The following NT5C2 variants were observed in gnomAD, a reference collection of about 807,000 sequenced individuals.
NT5C2 encodes the protein cytosolic purine 5'-nucleotidase.
NT5C2 carries 58 observed loss-of-function variants against 76.1 expected under a neutral mutation model. The ratio of observed to expected loss-of-function variants is 0.76; its 90% CI spans 0.62 to 0.95. The LOEUF (loss-of-function observed/expected upper bound fraction) is 0.95. Among genes scored for constraint, NT5C2 ranks in the 40% least tolerant of loss-of-function variants. The probability of loss-of-function intolerance (pLI) is 0.00; values close to 1 mark genes in which losing one functional copy is unlikely to be tolerated. For synonymous variants in NT5C2, 229 were observed against 237.4 expected (o/e 0.96, Z 0.32); for missense variants, 478 against 690.3 (o/e 0.69, Z 3.45).
At chr10:103,099,809 CA>C (rs1422080468) in intron 9 of NT5C2, 116 bp downstream of exon 9, 5 of 618,296 alleles carry the variant, frequency 8.1e-6, no homozygotes, top group African/African-American at 7.6e-5. Flanking sequence ...TAGGCGGGGG[CA>C]AATCTGTTTT....
intron 3 of NT5C2, chr10:103,146,165 G>C: frequency 4.1e-6 from 4 of 985,348 alleles, no homozygotes; most frequent in Non-Finnish European, 4.8e-6. Flanking sequence ...AGTTTAACCT[G>C]AATCAGGCCC....
At chr10:103,156,218 G>A (rs1424613343) in intron 3 of NT5C2, among the ~76,000 whole-genome samples, 1 of 152,066 alleles carries the variant, frequency 6.6e-6, no homozygotes, top group Non-Finnish European at 1.5e-5. Context: ...CCTACGGGGG[G>A]ATACTGCTGT....
chr10:103,157,801 G>A (rs1212948251), intron 3 of NT5C2, among the ~76,000 whole-genome samples: 1 of 152,102 alleles, frequency 6.6e-6, no homozygotes, highest in Non-Finnish European at 1.5e-5. Context: ...GGGGCCAGGT[G>A]CGGTGGCTCA....
At chr10:103,160,418 CAT>C (rs1434841323) in intron 3 of NT5C2, among the ~76,000 whole-genome samples, 2 of 152,114 alleles carry the variant, frequency 1.3e-5, no homozygotes, top group Non-Finnish European at 2.9e-5. Context: ...ATTAAAATAA[CAT>C]GTGTTTCAAA....
intron 3 of NT5C2, among the ~76,000 whole-genome samples, chr10:103,143,001 A>G (rs1051111400): frequency 1.8e-4 from 27 of 151,956 alleles, no homozygotes; most frequent in Admixed American, 4.6e-4. Flanking sequence ...AAAAAAAAAA[A>G]AAGAAGAATA....
At chr10:103,091,135 A>G in intron 16 of NT5C2, 139 bp from the exon 17 acceptor site, 7 of 711,776 alleles carry the variant, frequency 9.8e-6, no homozygotes, top group Non-Finnish European at 1.7e-5. Flanking sequence ...CCCAGCTTCA[A>G]GCGATTCTCC....
chr10:103,129,481 G>T (rs2077514467), intron 4 of NT5C2, among the ~76,000 whole-genome samples: 1 of 118,006 alleles, frequency 8.5e-6, no homozygotes, highest in Non-Finnish European at 1.8e-5. Context: ...AGATGGGGGG[G>T]TCAGCCCCCC....
chr10:103,157,417 A>G (rs1239514446), intron 3 of NT5C2, among the ~76,000 whole-genome samples: 2 of 152,204 alleles, frequency 1.3e-5, no homozygotes, highest in Non-Finnish European at 2.9e-5. Flanking sequence ...AAATATGTTG[A>G]TGATGTCAGG....
Position 103,090,927 on chromosome 10 carries a change from T to C in NT5C2, c.1272+9A>G, listed in dbSNP as rs369719483. 21 of 1,613,122 alleles carry C rather than the reference T, an allele frequency of 1.3e-5. No homozygotes were observed. The highest frequency in any genetic ancestry group is 1.7e-5 in the Non-Finnish European group (20 of 1,179,340). ...TTCCCAAGTTTTCTCCCAAATCCCATTTGGATACCTTAATACGTCTCTGGA... is the reference window on the plus strand; with the variant it reads ...TTCCCAAGTTTTCTCCCAAATCCCACTTGGATACCTTAATACGTCTCTGGA... On this transcript the variant is annotated intron_variant, in intron 17 of 18. Coordinates refer to ENST00000404739, the MANE Select transcript of NT5C2 (RefSeq NM_001351169.2).
chr10:103,101,985 T>C (rs1037810198), intron 6 of NT5C2, among the ~76,000 whole-genome samples: 8 of 152,140 alleles, frequency 5.3e-5, no homozygotes, highest in Non-Finnish European at 1.2e-4. Flanking sequence ...CTACTGTTTC[T>C]ACACCATTTA....
At chr10:103,098,021 C>A (rs568743657) in intron 10 of NT5C2, 1 of 528,244 alleles carries the variant, frequency 1.9e-6, no homozygotes, top group South Asian at 1.4e-5. Context: ...ATAGGAAGCA[C>A]AAAAACTGAA....
At chr10:103,098,680 A>G in intron 10 of NT5C2, 1 of 442,298 alleles carries the variant, frequency 2.3e-6, no homozygotes, top group Non-Finnish European at 4.0e-6. Flanking sequence ...GAACAAATGC[A>G]ATACTGAGTC....
At chr10:103,147,119 A>C (rs1334420296) in intron 3 of NT5C2, among the ~76,000 whole-genome samples, 1 of 152,216 alleles carries the variant, frequency 6.6e-6, no homozygotes, top group East Asian at 1.9e-4. Flanking sequence ...AAAGTTATTT[A>C]TAAACTGGTC....
intron 4 of NT5C2, among the ~76,000 whole-genome samples, chr10:103,132,526 C>T (rs901415602): frequency 2.6e-5 from 4 of 152,024 alleles, no homozygotes; most frequent in African/African-American, 9.7e-5. Context: ...ATTTTTGTAG[C>T]TCTTCTGTAG....
At chr10:103,177,082 GATAA>G (rs1175933937) in intron 2 of NT5C2, among the ~76,000 whole-genome samples, 3 of 151,854 alleles carry the variant, frequency 2.0e-5, no homozygotes, top group Non-Finnish European at 4.4e-5. Context: ...CCCTTTAAAA[GATAA>G]ATAAATACAT....
At chr10:103,124,643 C>T (rs539033438) in intron 4 of NT5C2, among the ~76,000 whole-genome samples, 3 of 151,870 alleles carry the variant, frequency 2.0e-5, no homozygotes, top group Non-Finnish European at 4.4e-5. Context: ...CCTGCCACAC[C>T]GCCCCTCCCC....
At chr10:103,142,090 A>C (rs1261245685) in intron 3 of NT5C2, among the ~76,000 whole-genome samples, 1 of 152,026 alleles carries the variant, frequency 6.6e-6, no homozygotes, top group Non-Finnish European at 1.5e-5. Flanking sequence ...TGGAGTTGAG[A>C]AGCTTTCTTT....
At position 103,102,045 on chromosome 10, in the gene NT5C2, G is replaced by A. The variant is rs74956767; in HGVS notation, c.390-719C>T. 8.6e-3 allele frequency among the ~76,000 whole-genome samples: 1,309 copies of A among 152,192 alleles called. 25 individuals are homozygous for A. Among genetic ancestry groups the A allele is most frequent in the African/African-American group, 0.03 (1,263 of 41,516 alleles). On this transcript the variant is annotated intron_variant, in intron 6 of 18. Transcript: ENST00000404739. ...TTTTAAAGCAGAGGATAATCCCATC[G>A]GGGCTGAGTTGTAAAACAAAATTAA...
chr10:103,177,271 A>G (rs1031793061), intron 2 of NT5C2, among the ~76,000 whole-genome samples: 1 of 152,214 alleles, frequency 6.6e-6, no homozygotes, highest in Non-Finnish European at 1.5e-5. Flanking sequence ...TAGGATAAGC[A>G]TCTAAAATGA....
Sources: gnomAD v4.1 joint callset for allele counts (sites outside exome capture counted in the v4.1 genomes callset) on GRCh38, gnomAD v4.1.1 for gene constraint, MANE v1.5 for transcripts, NCBI Gene and HGNC (gene_info 2026-07-23, HGNC 2026-07-21) for gene names.